Variants in CAMTA1 observed in about 807,000 individuals in gnomAD.
CAMTA1 encodes the protein calmodulin binding transcription activator 1.
In CAMTA1, 27 loss-of-function variants were observed where a neutral mutation model predicts 170.9. That is an observed-to-expected ratio of 0.16 (90% CI 0.12 to 0.22). The LOEUF is 0.22. Ranked by LOEUF, CAMTA1 falls within the 10% of genes least tolerant of loss-of-function variation. The pLI is 1.00. For missense variants in CAMTA1, 1,619 were observed against 2,217.2 expected (o/e 0.73, Z 5.42); for synonymous variants, 833 against 891.5 (o/e 0.93, Z 1.17).
chr1:7,025,128 A>G (rs1701849963), intron 3 of CAMTA1, among the ~76,000 whole-genome samples: 1 of 151,944 alleles, frequency 6.6e-6, no homozygotes, highest in South Asian at 2.1e-4. Context: ...TGTAAAGCAA[A>G]GATGGTTTCA....
intron 3 of CAMTA1, among the ~76,000 whole-genome samples, chr1:6,848,507 C>T (rs1309860436): frequency 6.6e-6 from 1 of 152,116 alleles, no homozygotes; most frequent in African/African-American, 2.4e-5. Flanking sequence ...ATGCAGTTAC[C>T]CTGTGGACCA....
At chr1:7,127,807 G>C (rs938208905) in intron 4 of CAMTA1, among the ~76,000 whole-genome samples, 1 of 152,200 alleles carries the variant, frequency 6.6e-6, no homozygotes, top group Admixed American at 6.5e-5. Flanking sequence ...AACCTAGCAG[G>C]CCTGTTGGTT....
chr1:6,914,694 C>T (rs1680422085), intron 3 of CAMTA1, among the ~76,000 whole-genome samples: 1 of 152,194 alleles, frequency 6.6e-6, no homozygotes, highest in South Asian at 2.1e-4. Flanking sequence ...GAGACCTTTT[C>T]CCTCTTTAAG....
At position 7,612,363 on chromosome 1, in the gene CAMTA1, C is replaced by T. The variant is rs537134749; in HGVS notation, c.511-28037C>T. ...CTATCCCCAGCCAAACTCCTCTCGA[C>T]GTTTAGACACTCCTTCTCTTTTCTC... On this transcript the variant is annotated intron_variant, in intron 6 of 22. Transcript: ENST00000303635. Among the ~76,000 whole-genome samples the T allele has an allele frequency of 5.3e-5, 8 of 152,292 alleles. No individual in the cohort carries two copies. In the East Asian group the frequency reaches 7.7e-4, roughly 15 times the overall value.
intron 1 of CAMTA1, among the ~76,000 whole-genome samples, chr1:6,785,910 G>A (rs1247377483): frequency 6.7e-6 from 1 of 149,094 alleles, no homozygotes; most frequent in Non-Finnish European, 1.5e-5. Flanking sequence ...CACCCGGACC[G>A]GGCATCCCCG....
chr1:7,346,012 G>C (rs573446620), intron 5 of CAMTA1, among the ~76,000 whole-genome samples: 3 of 152,318 alleles, frequency 2.0e-5, no homozygotes, highest in African/African-American at 7.2e-5. Context: ...CTAAATACCA[G>C]AGAAGTCCAG....
At chr1:7,238,259 C>T (rs1394257314) in intron 4 of CAMTA1, among the ~76,000 whole-genome samples, 1 of 151,414 alleles carries the variant, frequency 6.6e-6, no homozygotes, top group Non-Finnish European at 1.5e-5. Context: ...CACAGAATGG[C>T]AACAGGGATG....
chr1:7,586,679 A>C (rs1200584399), intron 6 of CAMTA1, among the ~76,000 whole-genome samples: 10 of 152,126 alleles, frequency 6.6e-5, no homozygotes, highest in African/African-American at 2.2e-4. Context: ...TGGGCACACC[A>C]GCCGACACGG....
intron 3 of CAMTA1, among the ~76,000 whole-genome samples, chr1:7,003,187 G>A (rs61780918): frequency 6.6e-6 from 1 of 152,174 alleles, no homozygotes; most frequent in Admixed American, 6.5e-5. Context: ...CCAATCTGGG[G>A]GCAAAATTGC....
chr1:7,222,876 G>A (rs924416214), intron 4 of CAMTA1, among the ~76,000 whole-genome samples: 31 of 152,234 alleles, frequency 2.0e-4, no homozygotes, highest in African/African-American at 7.2e-4. Flanking sequence ...CCTCTTCTAC[G>A]TGGGTATATC....
chr1:7,229,294 T>C (rs183633522), intron 4 of CAMTA1, among the ~76,000 whole-genome samples: 415 of 150,312 alleles, frequency 2.8e-3, no homozygotes, highest in African/African-American at 9.9e-3. Flanking sequence ...GCACCCCTGT[T>C]CCCAGGGAGC....
At chr1:7,204,344 G>A (rs908630636) in intron 4 of CAMTA1, among the ~76,000 whole-genome samples, 2 of 152,002 alleles carry the variant, frequency 1.3e-5, no homozygotes, top group African/African-American at 2.4e-5. Context: ...ACAGCATCCC[G>A]TAAGTTTTGG....
chr1:7,689,705 C>T (rs1011740006), intron 11 of CAMTA1, among the ~76,000 whole-genome samples: 11 of 152,200 alleles, frequency 7.2e-5, no homozygotes, highest in African/African-American at 2.4e-4. Flanking sequence ...ACCCAGGCCC[C>T]AGGAAGAGCA....
At position 7,664,016 on chromosome 1, in the gene CAMTA1, A is replaced by G. The variant is rs1444067668; in HGVS notation, c.1469A>G (p.Asn490Ser). 2 of 1,614,000 alleles carry G rather than the reference A, an allele frequency of 1.2e-6. No individual in the cohort carries two copies. The highest frequency in any genetic ancestry group is 1.7e-6 in the Non-Finnish European group (2 of 1,180,034). ...AACTTTGACCCCGACTGTTTCCTTAATAACCCAAAGCAGGGCCAGACGTAC... is the reference window on the plus strand; with the variant it reads ...AACTTTGACCCCGACTGTTTCCTTAGTAACCCAAAGCAGGGCCAGACGTAC... ...TMNFDPDCFLNNPKQGQTYGG... is the reference protein window; with the variant it reads ...TMNFDPDCFLSNPKQGQTYGG... Residue 490 changes from asparagine to serine, a missense_variant, in exon 9 of 23, where the codon AAT becomes AGT. Coordinates refer to ENST00000303635, the MANE Select transcript of CAMTA1 (RefSeq NM_015215.4).
At position 7,635,819 on chromosome 1, in the gene CAMTA1, T is replaced by C. The variant is rs948933274; in HGVS notation, c.511-4581T>C. 2.0e-5 allele frequency among the ~76,000 whole-genome samples: 3 copies of C among 152,204 alleles called. No individual in the cohort carries two copies. The highest frequency in any genetic ancestry group is 7.2e-5 in the African/African-American group (3 of 41,450). ...GATACATTAGGACTCCAAGCTAATA[T>C]ATTTTTCTGCCAAAAACACCCAATA... On this transcript the variant is annotated intron_variant, in intron 6 of 22. Transcript: ENST00000303635. This position sits in a 1 kb window ranked among gnomAD's most constrained non-coding sequence, Gnocchi z 4.4.
At chr1:6,810,830 G>A (rs1645078170) in intron 1 of CAMTA1, among the ~76,000 whole-genome samples, 1 of 152,128 alleles carries the variant, frequency 6.6e-6, no homozygotes, top group Non-Finnish European at 1.5e-5. Context: ...AACATCAAGA[G>A]GTGGGGATCA....
intron 5 of CAMTA1, among the ~76,000 whole-genome samples, chr1:7,253,721 C>T (rs1386451659): frequency 6.6e-6 from 1 of 152,190 alleles, no homozygotes; most frequent in African/African-American, 2.4e-5. Context: ...AGAGCTGGTA[C>T]TTGAGCCTGG....
At chr1:6,879,054 A>G (rs990517032) in intron 3 of CAMTA1, among the ~76,000 whole-genome samples, 1 of 152,194 alleles carries the variant, frequency 6.6e-6, no homozygotes, top group African/African-American at 2.4e-5. Context: ...ACAGTGAATT[A>G]CCTTACCATC....
intron 6 of CAMTA1, among the ~76,000 whole-genome samples, chr1:7,629,246 C>T (rs537241063): frequency 1.2e-3 from 189 of 152,294 alleles, no homozygotes; most frequent in Non-Finnish European, 2.1e-3. Context: ...GATGGTTGGA[C>T]GCTGAACAGT....
Sources: gnomAD v4.1 joint callset for allele counts (sites outside exome capture counted in the v4.1 genomes callset) on GRCh38, gnomAD v4.1.1 for gene constraint, Gnocchi (gnomAD v3.1) non-coding constraint, MANE v1.5 for transcripts, NCBI Gene and HGNC (gene_info 2026-07-23, HGNC 2026-07-21) for gene names.